Variants in PLEKHM2 observed in about 807,000 individuals in gnomAD.
The protein encoded by PLEKHM2 is pleckstrin homology domain-containing family M member 2.
In PLEKHM2, 77 loss-of-function variants were observed where a neutral mutation model predicts 116.3. The ratio of observed to expected loss-of-function variants is 0.66; its 90% CI spans 0.55 to 0.80. The LOEUF is 0.80. Among genes scored for constraint, PLEKHM2 ranks in the 30% least tolerant of loss-of-function variants. The pLI is 0.00. For missense variants in PLEKHM2, 1,183 were observed against 1,354.9 expected (o/e 0.87, Z 1.99); for synonymous variants, 562 against 571.0 (o/e 0.98, Z 0.22).
At chr1:15,686,378 T>C (rs1243510170) in intron 1 of PLEKHM2, among the ~76,000 whole-genome samples, 2 of 152,208 alleles carry the variant, frequency 1.3e-5, no homozygotes, top group African/African-American at 2.4e-5. Flanking sequence ...TTAATAACCC[T>C]GTAACCTTGG....
rs1198694846 is a variant in PLEKHM2 at position 15,697,623 on chromosome 1, C to T, written c.60+13005C>T. On this transcript the variant is annotated intron_variant, in intron 1 of 19. Transcript: ENST00000375799. ...GAAATCCACAGAAAAATGAAATGCA[C>T]AGATAATTCAAGTACCTGCTTTTTT... Among the ~76,000 whole-genome samples, 4 of 152,308 alleles carry T rather than the reference C, an allele frequency of 2.6e-5. No homozygotes were observed. The South Asian group carries it at 6.2e-4, about 24-fold the overall frequency.
At chr1:15,705,405 C>A (rs1310282227) in intron 1 of PLEKHM2, among the ~76,000 whole-genome samples, 1 of 152,038 alleles carries the variant, frequency 6.6e-6, no homozygotes, top group Middle Eastern at 3.4e-3. Context: ...TTGTCTCCAA[C>A]TCCTGAGCTC....
At position 15,728,504 on chromosome 1, in the gene PLEKHM2, C is replaced by A; in HGVS notation, c.1921+147C>A. 2.0e-6 allele frequency: 2 copies of A among 986,564 alleles called. No homozygotes were observed. Among genetic ancestry groups the A allele is most frequent in the South Asian group, 1.6e-5 (1 of 64,068 alleles). 61.1% of individuals were successfully genotyped at this position (986,564 alleles called of 1,614,324 possible). ...CCCCAAGGAAGGTGTTGCCAGCAGC[C>A]CTGAGACGTGAGCCTGGGGCTCCCT... On this transcript the variant is annotated intron_variant, in intron 11 of 19. Coordinates refer to ENST00000375799, the MANE Select transcript of PLEKHM2 (RefSeq NM_015164.4). This position sits in a 1 kb window ranked among gnomAD's most constrained non-coding sequence, Gnocchi z 5.9.
intron 15 of PLEKHM2, 113 bp from the exon 16 acceptor site, chr1:15,731,079 G>A (rs2068135845): frequency 3.7e-5 from 29 of 776,038 alleles, no homozygotes; most frequent in South Asian, 3.4e-4. Context: ...GGTGTCCTTT[G>A]CCTCAGGTTC....
At chr1:15,699,146 G>C (rs1420641278) in intron 1 of PLEKHM2, among the ~76,000 whole-genome samples, 1 of 151,910 alleles carries the variant, frequency 6.6e-6, no homozygotes, top group Non-Finnish European at 1.5e-5. Flanking sequence ...GCAATATAGT[G>C]AGACCCCATC....
At position 15,727,892 on chromosome 1, in the gene PLEKHM2, GC is replaced by G. The variant is rs1366265765; in HGVS notation, c.1760+62del. The G allele has an allele frequency of 1.5e-6, 2 of 1,355,118 alleles. No individual in the cohort carries two copies. Among genetic ancestry groups the G allele is most frequent in the East Asian group, 5.0e-5 (2 of 40,018 alleles). 83.9% of individuals were successfully genotyped at this position (1,355,118 alleles called of 1,614,324 possible). ...CAGCCCTTGAAGCTGGGGACACTGT[GC>G]CTCTGACCTCCAGATAAATTAAGCA... On this transcript the variant is annotated intron_variant, in intron 9 of 19. Coordinates refer to ENST00000375799, the MANE Select transcript of PLEKHM2 (RefSeq NM_015164.4). This position sits in a 1 kb window ranked among gnomAD's most constrained non-coding sequence, Gnocchi z 7.5.
At chr1:15,686,463 G>GTTT (rs1377464336) in intron 1 of PLEKHM2, among the ~76,000 whole-genome samples, 1 of 151,932 alleles carries the variant, frequency 6.6e-6, no homozygotes, top group Non-Finnish European at 1.5e-5. Flanking sequence ...GTTGTGGAGT[G>GTTT]TTTTTTTGTT....
At chr1:15,682,101 C>T (rs114917269), upstream of PLEKHM2, among the ~76,000 whole-genome samples, 623 of 150,120 alleles carry the variant, frequency 4.2e-3, 6 homozygotes, top group African/African-American at 0.013. Context: ...GGGAGGCTGA[C>T]GTGGGAGGAT....
At chr1:15,725,286 C>A in intron 7 of PLEKHM2, 31 bp from the exon 8 acceptor site, 1 of 1,503,436 alleles carries the variant, frequency 6.7e-7, no homozygotes, top group Non-Finnish European at 9.1e-7. Flanking sequence ...GGGTGCCTGA[C>A]AGGGTGTCTC....
chr1:15,716,053 G>A (rs531852845), intron 1 of PLEKHM2, among the ~76,000 whole-genome samples, 184 bp from the exon 2 acceptor site: 2 of 152,342 alleles, frequency 1.3e-5, no homozygotes, highest in African/African-American at 4.8e-5. Context: ...TACAGCTGTT[G>A]CCTGCTGGAA....
At position 15,727,136 on chromosome 1, in the gene PLEKHM2, AC is replaced by A; in HGVS notation, c.1065del (p.Asn355LysfsTer40). 3.1e-6 allele frequency: 5 copies of A among 1,592,608 alleles called. No homozygotes were observed. The highest frequency in any genetic ancestry group is 4.3e-6 in the Non-Finnish European group (5 of 1,168,992). On this transcript the variant is annotated frameshift_variant, in exon 9 of 20. Transcript: ENST00000375799. LOFTEE classifies it high-confidence loss of function. This position sits in a 1 kb window ranked among gnomAD's most constrained non-coding sequence, Gnocchi z 7.5. ...CAKQGDGDSR[N>X]GSPSLGRDSP... ...AAGCAGGGGGACGGTGACAGCCGCA[AC>A]GGCAGCCCAAGCCTTGGGCGGGACT...
chr1:15,722,114 A>G (rs1019063560), intron 7 of PLEKHM2, among the ~76,000 whole-genome samples: 2 of 152,246 alleles, frequency 1.3e-5, no homozygotes, highest in African/African-American at 4.8e-5. Context: ...ATCTGAGGCC[A>G]TAGCAGATCC....
rs752340656 is a variant in PLEKHM2 at position 15,719,773 on chromosome 1, T to C, written c.505T>C (p.Tyr169His). Residue 169 changes from tyrosine (Y) to histidine (H), a missense_variant, in exon 6 of 20, where the codon TAC (tyrosine) becomes CAC (histidine). Physicochemically the swap from Tyr to His is moderately conservative, Grantham distance 83. Transcript: ENST00000375799. This position sits in a 1 kb window ranked among gnomAD's most constrained non-coding sequence, Gnocchi z 4.1. ...YLDLAPYMPD[Y>H]YKPQYLLDFE... Reference sequence around the variant, plus strand: ...AGACCTGGCCCCCTACATGCCCGACTACTACAAACCTCAGTACCTGCTGGA... The same window carrying C: ...AGACCTGGCCCCCTACATGCCCGACCACTACAAACCTCAGTACCTGCTGGA... 10 of 1,613,312 alleles carry C rather than the reference T, an allele frequency of 6.2e-6. No individual in the cohort carries two copies. In the African/African-American group the frequency reaches 1.3e-4, roughly 22 times the overall value.
intron 1 of PLEKHM2, among the ~76,000 whole-genome samples, chr1:15,714,583 G>C (rs546601450): frequency 1.3e-5 from 2 of 152,178 alleles, no homozygotes; most frequent in Admixed American, 6.5e-5. Context: ...GGCCTGCCAG[G>C]CTTGTTCCGG....
intron 1 of PLEKHM2, among the ~76,000 whole-genome samples, chr1:15,712,026 G>A (rs546826401): frequency 6.7e-6 from 1 of 149,928 alleles, no homozygotes; most frequent in African/African-American, 2.5e-5. Context: ...GCTGAGGCAG[G>A]AGAATCGCTT....
intron 1 of PLEKHM2, 45 bp downstream of exon 1, chr1:15,684,663 C>G (rs1246606776): frequency 9.1e-7 from 1 of 1,099,554 alleles, no homozygotes; most frequent in Non-Finnish European, 1.2e-6. Context: ...CCTCGCCGCG[C>G]CCCCCACGCC....
chr1:15,733,036 T>C (rs1178937637), intron 19 of PLEKHM2, among the ~76,000 whole-genome samples: 1 of 152,214 alleles, frequency 6.6e-6, no homozygotes, highest in Non-Finnish European at 1.5e-5. Flanking sequence ...GGGTGGGCCC[T>C]GGGAGGTGGG....
chr1:15,726,527 C>T (rs1381345734), intron 8 of PLEKHM2, among the ~76,000 whole-genome samples: 1 of 152,222 alleles, frequency 6.6e-6, no homozygotes, highest in Non-Finnish European at 1.5e-5. Flanking sequence ...CCGCTCCAGC[C>T]AACCTGGAAC....
chr1:15,709,970 A>C (rs779944629), intron 1 of PLEKHM2, among the ~76,000 whole-genome samples: 2 of 152,138 alleles, frequency 1.3e-5, no homozygotes, highest in Non-Finnish European at 2.9e-5. Context: ...TCATGCCTGT[A>C]ATCCTAGCAC....
Sources: allele counts gnomAD v4.1 joint callset (sites outside exome capture counted in the v4.1 genomes callset), GRCh38; gene constraint gnomAD v4.1.1; non-coding constraint Gnocchi (gnomAD v3.1); transcripts MANE v1.5; gene names NCBI Gene and HGNC (gene_info 2026-07-23, HGNC 2026-07-21).